The following CSMD1 variants were observed in gnomAD, a reference collection of about 807,000 sequenced individuals.
CSMD1 encodes CUB and Sushi multiple domains 1.
In CSMD1, 213 loss-of-function variants were observed where a neutral mutation model predicts 417.5. The ratio of observed to expected loss-of-function variants is 0.51; its 90% CI spans 0.46 to 0.57. The LOEUF is 0.57. Among genes scored for constraint, CSMD1 ranks in the 20% least tolerant of loss-of-function variants. The pLI is 0.00. For missense variants in CSMD1, 6,923 were observed against 4,529.7 expected, an observed-to-expected ratio of 1.53 and a Z score of -15.17; for synonymous variants, 2,862 against 1,736.8, an observed-to-expected ratio of 1.65 and a Z score of -16.11.
chr8:3,831,937 C>A (rs1014188701), intron 5 of CSMD1, among the ~76,000 whole-genome samples: 1 of 152,106 alleles, frequency 6.6e-6, no homozygotes, highest in Non-Finnish European at 1.5e-5. Flanking sequence ...AGAGATTAGT[C>A]CTGGAAAGTT....
At chr8:4,395,116 G>C (rs1442221611) in intron 3 of CSMD1, among the ~76,000 whole-genome samples, 3 of 152,190 alleles carry the variant, frequency 2.0e-5, no homozygotes, top group East Asian at 1.9e-4. Context: ...GGGAGACCCA[G>C]AGAGTGGAGC....
At chr8:3,697,938 T>A (rs964085157) in intron 7 of CSMD1, among the ~76,000 whole-genome samples, 1 of 152,238 alleles carries the variant, frequency 6.6e-6, no homozygotes, top group Admixed American at 6.5e-5. Flanking sequence ...TCTTTAATTG[T>A]ATGCTGAAAC....
rs574955900 is a variant in CSMD1 at position 4,564,218 on chromosome 8, C to T, written c.302+73124G>A. Reference sequence around the variant, plus strand: ...TTTTTCTTCACTTCCTTCCCCTGGACATGCACAAGGAAAACAAGCACAATA... The same window carrying T: ...TTTTTCTTCACTTCCTTCCCCTGGATATGCACAAGGAAAACAAGCACAATA... On this transcript the variant is annotated intron_variant, in intron 2 of 69. Coordinates refer to ENST00000635120, the MANE Select transcript of CSMD1 (RefSeq NM_033225.6). Among the ~76,000 whole-genome samples the T allele has an allele frequency of 1.9e-4, 29 of 152,298 alleles. No individual in the cohort carries two copies. The South Asian group carries it at 5.6e-3, about 29-fold the overall frequency.
intron 1 of CSMD1, among the ~76,000 whole-genome samples, chr8:4,795,067 T>G (rs1797901473): frequency 6.6e-6 from 1 of 151,834 alleles, no homozygotes; most frequent in Non-Finnish European, 1.5e-5. Flanking sequence ...CTGCTGTCTT[T>G]AATATATGGA....
chr8:3,339,654 G>T (rs1807511566), intron 23 of CSMD1, among the ~76,000 whole-genome samples: 1 of 152,158 alleles, frequency 6.6e-6, no homozygotes, highest in Admixed American at 6.6e-5. Flanking sequence ...TGTTACTTCA[G>T]GTGAAACTCT....
chr8:3,560,648 A>G (rs960582255), intron 10 of CSMD1, among the ~76,000 whole-genome samples: 31 of 152,148 alleles, frequency 2.0e-4, no homozygotes, highest in Admixed American at 2.6e-4. Context: ...AAAAACCTAG[A>G]TATTTCTATT....
At chr8:3,942,643 G>A (rs557865119) in intron 5 of CSMD1, among the ~76,000 whole-genome samples, 2 of 152,236 alleles carry the variant, frequency 1.3e-5, no homozygotes, top group Non-Finnish European at 2.9e-5. Context: ...GTTAGCCTCA[G>A]TTTATCTTTA....
At chr8:3,261,202 C>G (rs7820866) in intron 26 of CSMD1, among the ~76,000 whole-genome samples, 22 of 152,058 alleles carry the variant, frequency 1.4e-4, no homozygotes, top group African/African-American at 4.6e-4. Flanking sequence ...AATTTTATAT[C>G]GTCTGTAAAA....
intron 19 of CSMD1, 114 bp downstream of exon 19, chr8:3,369,140 A>G: frequency 1.7e-6 from 1 of 585,180 alleles, no homozygotes; most frequent in Non-Finnish European, 3.1e-6. Flanking sequence ...CTTGAACTAT[A>G]CATGAGAAAA....
At chr8:4,619,561 T>G (rs929326867) in intron 2 of CSMD1, among the ~76,000 whole-genome samples, 1 of 152,172 alleles carries the variant, frequency 6.6e-6, no homozygotes, top group Non-Finnish European at 1.5e-5. Flanking sequence ...CTTGCATTAG[T>G]GTTTTGATGA....
At chr8:4,609,026 A>C (rs56794485) in intron 2 of CSMD1, among the ~76,000 whole-genome samples, 89 of 152,204 alleles carry the variant, frequency 5.8e-4, no homozygotes, top group African/African-American at 2.0e-3. Context: ...AAAAAAAAAA[A>C]AACATGAAAT....
At chr8:3,931,296 T>C (rs916688642) in intron 5 of CSMD1, among the ~76,000 whole-genome samples, 1 of 150,580 alleles carries the variant, frequency 6.6e-6, no homozygotes, top group Non-Finnish European at 1.5e-5. Flanking sequence ...TATTGTGAAA[T>C]TTTCAAATAA....
At chr8:4,469,907 G>A (rs1455401920) in intron 2 of CSMD1, among the ~76,000 whole-genome samples, 6 of 150,138 alleles carry the variant, frequency 4.0e-5, no homozygotes, top group Non-Finnish European at 7.4e-5. Flanking sequence ...TCGCTCTGTC[G>A]CCCTGGCTGG....
At chr8:3,610,434 T>A (rs999517196) in intron 8 of CSMD1, among the ~76,000 whole-genome samples, 3 of 150,214 alleles carry the variant, frequency 2.0e-5, no homozygotes, top group African/African-American at 7.3e-5. Context: ...ACACAGGAGA[T>A]CGAAGTGGGA....
intron 1 of CSMD1, among the ~76,000 whole-genome samples, chr8:4,967,179 G>C (rs978336221): frequency 3.3e-5 from 5 of 152,102 alleles, no homozygotes; most frequent in Non-Finnish European, 5.9e-5. Flanking sequence ...TAAACACTAT[G>C]AGCTGTTACT....
chr8:4,472,907 A>G (rs1054648013), intron 2 of CSMD1, among the ~76,000 whole-genome samples: 1 of 151,978 alleles, frequency 6.6e-6, no homozygotes, highest in African/African-American at 2.4e-5. Context: ...AATTTTTGCC[A>G]TAATATTTTG....
chr8:3,216,634 G>C (rs946447531), intron 29 of CSMD1, among the ~76,000 whole-genome samples: 2 of 152,126 alleles, frequency 1.3e-5, no homozygotes, highest in African/African-American at 4.8e-5. Context: ...TGTCACTTCA[G>C]GATGTTCCGT....
chr8:3,761,743 T>A (rs139201736), intron 5 of CSMD1, among the ~76,000 whole-genome samples: 19 of 152,220 alleles, frequency 1.2e-4, no homozygotes, highest in African/African-American at 4.1e-4. Context: ...TGATCTCAGG[T>A]GATCCATCTG....
chr8:3,041,742 C>T (rs770252071), intron 50 of CSMD1, among the ~76,000 whole-genome samples: 2 of 152,168 alleles, frequency 1.3e-5, no homozygotes, highest in African/African-American at 4.8e-5. Flanking sequence ...ATTTTATAAA[C>T]CGATAAACTT....
Sources: gnomAD v4.1 joint callset for allele counts (sites outside exome capture counted in the v4.1 genomes callset) on GRCh38, gnomAD v4.1.1 for gene constraint, MANE v1.5 for transcripts, NCBI Gene and HGNC (gene_info 2026-07-23, HGNC 2026-07-21) for gene names.